Variants in PRR11 observed in about 807,000 individuals in gnomAD.
The protein encoded by PRR11 is proline-rich protein 11.
In PRR11, 30 loss-of-function variants were observed where a neutral mutation model predicts 45.6. The ratio of observed to expected loss-of-function variants is 0.66; its 90% confidence interval spans 0.49 to 0.89. PRR11 has a LOEUF of 0.89. Among genes scored for constraint, PRR11 ranks in the 40% least tolerant of loss-of-function variants. The probability of loss-of-function intolerance (pLI) is 0.00; values close to 1 mark genes in which losing one functional copy is unlikely to be tolerated. For missense variants in PRR11, 373 were observed against 424.8 expected (o/e 0.88, Z 1.07); for synonymous variants, 128 against 153.5 (o/e 0.83, Z 1.23).
chr17:59,180,127 CTTT>C (rs564643757), intron 2 of PRR11, among the ~76,000 whole-genome samples: 15 of 114,932 alleles, frequency 1.3e-4, no homozygotes, highest in African/African-American at 4.0e-4. Flanking sequence ...TGAGTCTCTC[CTTT>C]TTTTTTTTTT....
At chr17:59,183,421 T>A (rs1488626161) in intron 2 of PRR11, among the ~76,000 whole-genome samples, 1 of 152,110 alleles carries the variant, frequency 6.6e-6, no homozygotes, top group Non-Finnish European at 1.5e-5. Context: ...ATACAAGAGA[T>A]CCCAGGAACA....
At chr17:59,160,744 T>C (rs543729841) in intron 1 of PRR11, 2 of 152,218 alleles carry the variant, frequency 1.3e-5, no homozygotes, top group African/African-American at 4.8e-5. Context: ...GTTTTTTTCT[T>C]TTTTTTGGAA....
intron 9 of PRR11, 112 bp from the exon 10 acceptor site, chr17:59,201,451 A>C (rs2046891915): frequency 9.3e-7 from 1 of 1,072,468 alleles, no homozygotes; most frequent in Non-Finnish European, 1.4e-6. Flanking sequence ...TGGTTTTTAC[A>C]ATCTGAATGC....
chr17:59,173,511 C>G (rs546670366), intron 2 of PRR11, among the ~76,000 whole-genome samples: 1 of 152,062 alleles, frequency 6.6e-6, no homozygotes, highest in Non-Finnish European at 1.5e-5. Flanking sequence ...CCGGGAGGAA[C>G]GAATAACTCC....
intron 7 of PRR11, among the ~76,000 whole-genome samples, chr17:59,197,288 A>G (rs972311710): frequency 3.4e-5 from 5 of 146,258 alleles, no homozygotes; most frequent in African/African-American, 7.6e-5. Context: ...GTCTTGCTCT[A>G]TTGCCCAGGC....
chr17:59,180,485 G>A (rs1033398965), intron 2 of PRR11, among the ~76,000 whole-genome samples: 3 of 141,012 alleles, frequency 2.1e-5, no homozygotes, highest in African/African-American at 5.8e-5. Flanking sequence ...CTGACTTCTG[G>A]GCCCGTCCTT....
At chr17:59,193,775 G>A (rs1365725842) in intron 5 of PRR11, 41 bp downstream of exon 5, 1 of 1,597,484 alleles carries the variant, frequency 6.3e-7, no homozygotes, top group Non-Finnish European at 8.6e-7. Flanking sequence ...GATATGTTTT[G>A]GTGAGTGTGT....
intron 4 of PRR11, among the ~76,000 whole-genome samples, chr17:59,190,659 C>G (rs528413102): frequency 5.3e-5 from 8 of 152,328 alleles, no homozygotes; most frequent in African/African-American, 1.4e-4. Flanking sequence ...TTCAGAGGCT[C>G]AAATGATATT....
At chr17:59,175,633 G>T (rs188585378) in intron 2 of PRR11, among the ~76,000 whole-genome samples, 1 of 152,114 alleles carries the variant, frequency 6.6e-6, no homozygotes, top group Non-Finnish European at 1.5e-5. Context: ...TCCTAGCTAC[G>T]CAAGAGGCTG....
intron 9 of PRR11, 27 bp downstream of exon 9, chr17:59,197,816 T>A: frequency 1.3e-6 from 2 of 1,592,554 alleles, no homozygotes; most frequent in Non-Finnish European, 1.7e-6. Flanking sequence ...AGAATATTGG[T>A]TCCTTTGCTT....
chr17:59,158,361 T>C (rs1226969815), intron 1 of PRR11, among the ~76,000 whole-genome samples: 1 of 152,172 alleles, frequency 6.6e-6, no homozygotes, highest in East Asian at 1.9e-4. Flanking sequence ...ATTGAGACAA[T>C]TGGGGCAATC....
chr17:59,182,784 T>C (rs530809627), intron 2 of PRR11, among the ~76,000 whole-genome samples: 1 of 152,254 alleles, frequency 6.6e-6, no homozygotes, highest in African/African-American at 2.4e-5. Flanking sequence ...CACCACCTCC[T>C]GGAGGGGGTA....
chr17:59,198,797 A>G lies in PRR11; in HGVS notation c.1014+1008A>G, dbSNP rs140680630. ...GGTTGCAGTGAGCCAAGACTGCACC[A>G]CTGCACTCCAGCCTGGGTGACGGAG... On this transcript the variant is annotated intron_variant, in intron 9 of 9. Coordinates refer to ENST00000262293, the MANE Select transcript of PRR11 (RefSeq NM_018304.4). Among the ~76,000 whole-genome samples the G allele has an allele frequency of 4.5e-3, 682 of 152,242 alleles. 9 individuals carry two copies. Among genetic ancestry groups the G allele is most frequent in the African/African-American group, 0.015 (640 of 41,548 alleles).
chr17:59,179,686 C>T (rs1236518135), intron 2 of PRR11: 51 of 1,452,284 alleles, frequency 3.5e-5, no homozygotes, highest in Non-Finnish European at 4.0e-5. Context: ...GCTCAGGGAG[C>T]ACGGGTGACA....
intron 1 of PRR11, 72 bp from the exon 2 acceptor site, chr17:59,169,676 A>G (rs1403428255): frequency 3.0e-6 from 4 of 1,332,964 alleles, no homozygotes; most frequent in Non-Finnish European, 4.0e-6. Flanking sequence ...TTAACTATAC[A>G]CTTAAGATTT....
At chr17:59,174,814 T>C (rs892454868) in intron 2 of PRR11, among the ~76,000 whole-genome samples, 11 of 152,104 alleles carry the variant, frequency 7.2e-5, no homozygotes, top group Non-Finnish European at 1.5e-5. Flanking sequence ...CCACACCCAG[T>C]GCTCTGGGTT....
Position 59,193,530 on chromosome 17 carries a change from A to G in PRR11, c.441A>G (p.Gln147=), listed in dbSNP as rs2046849272. The change falls in exon 5 of 10, where the codon CAA becomes CAG. Residue 147 remains glutamine (Q), a synonymous_variant. Coordinates refer to ENST00000262293, the MANE Select transcript of PRR11 (RefSeq NM_018304.4). ...GTTCTTCCTGTCCAAGCTGTGGTCA[A>G]ACATGTCACATGAGTGGTAAACTTA... ...SESSSCPSCG[Q]TCHMSGKLTN... is the part of the protein sequence containing the mutation. 9 of 1,614,104 alleles carry G rather than the reference A, an allele frequency of 5.6e-6. No individual in the cohort carries two copies. The highest frequency in any genetic ancestry group is 1.3e-5 in the African/African-American group (1 of 74,940).
At chr17:59,175,107 T>TC (rs1272410956) in intron 2 of PRR11, 25 of 567,940 alleles carry the variant, frequency 4.4e-5, no homozygotes, top group African/African-American at 3.7e-4. Flanking sequence ...GTTGTCCTCC[T>TC]CCATGTCATT....
rs200337394 is a variant in PRR11, at chr17:59,195,473, T to G, written c.857+30T>G. The G allele has an allele frequency of 2.6e-5, 36 of 1,376,440 alleles. No homozygotes were observed. In the East Asian group the frequency reaches 8.0e-4, roughly 31 times the overall value. 85.3% of individuals were successfully genotyped at this position (1,376,440 alleles called of 1,614,324 possible). A position where few individuals can be genotyped will look rare whatever the true frequency, so the allele number is the denominator to read the frequency against. On this transcript the variant is annotated intron_variant, in intron 7 of 9. Transcript: ENST00000262293. ...GGAACTGCACAGTACTATGCTCTAC[T>G]ACTACTTAAAAGAATGATATTGTTG...
Sources: gnomAD v4.1 joint callset for allele counts (sites outside exome capture counted in the v4.1 genomes callset) on GRCh38, gnomAD v4.1.1 for gene constraint, MANE v1.5 for transcripts, NCBI Gene and HGNC (gene_info 2026-07-23, HGNC 2026-07-21) for gene names.